The following SLC44A3 variants were observed in gnomAD, a reference collection of about 807,000 sequenced individuals.
The protein encoded by SLC44A3 is solute carrier family 44 member 3.
A neutral mutation model predicts 75.4 loss-of-function variants in SLC44A3; 74 were observed. That is an observed-to-expected ratio of 0.98 (90% confidence interval 0.81 to 1.19). The LOEUF is 1.19. Among genes scored for constraint, SLC44A3 ranks in the 50% most tolerant of loss-of-function variants. SLC44A3 has a pLI of 0.00. For synonymous variants in SLC44A3, 310 were observed against 296.9 expected (o/e 1.04, Z -0.45); for missense variants, 700 against 778.6 (o/e 0.90, Z 1.20).
At chr1:94,834,093 A>G (rs1262503138) in intron 5 of SLC44A3, among the ~76,000 whole-genome samples, 1 of 152,244 alleles carries the variant, frequency 6.6e-6, no homozygotes, top group African/African-American at 2.4e-5. Flanking sequence ...ACAATACAGT[A>G]TAATGGTTAG....
At chr1:94,820,520 G>C in intron 1 of SLC44A3, 42 bp downstream of exon 1, 1 of 1,485,348 alleles carries the variant, frequency 6.7e-7, no homozygotes, top group Non-Finnish European at 8.9e-7. Context: ...GGAGCCCCGG[G>C]GAAGGGTCGA....
intron 11 of SLC44A3, among the ~76,000 whole-genome samples, chr1:94,866,280 T>C (rs1277775735): frequency 6.6e-6 from 1 of 152,160 alleles, no homozygotes; most frequent in Non-Finnish European, 1.5e-5. Context: ...TTAAACTCTC[T>C]GGGGAAACGG....
Position 94,824,579 on chromosome 1 carries a change from GA to G in SLC44A3, c.224del (p.Lys75ArgfsTer15). ...YDSFGNMCGKKNSPVEGAPLS... is the reference protein window; with the variant it reads ...YDSFGNMCGKXNSPVEGAPLS... ...ACAGCTTTGGCAACATGTGTGGCAA[GA>G]AGAACTCCCCCGTGGAAGGGGCCCC... On this transcript the variant is annotated frameshift_variant, in exon 3 of 15. Coordinates refer to ENST00000271227, the MANE Select transcript of SLC44A3 (RefSeq NM_001114106.3). LOFTEE classifies it high-confidence loss of function. The G allele has an allele frequency of 6.2e-7, 1 of 1,612,420 alleles. No homozygotes were observed. Among genetic ancestry groups the G allele is most frequent in the Non-Finnish European group, 8.5e-7 (1 of 1,179,576 alleles).
rs756846700 is a variant in SLC44A3, at chr1:94,824,464, A to G, written c.136-29A>G. 1.9e-6 allele frequency: 3 copies of G among 1,566,132 alleles called. No homozygotes were observed. In the South Asian group the frequency reaches 3.6e-5, roughly 19 times the overall value. On this transcript the variant is annotated intron_variant, in intron 2 of 14. Transcript: ENST00000271227. The stretch of plus-strand genomic sequence containing the variant: ...GCACTGTGCGCTCAGCCCTTTGGCC[A>G]GGCTCTCATATGCCCCCGTTTTTGC...
chr1:94,836,224 G>A (rs767357585), intron 5 of SLC44A3, among the ~76,000 whole-genome samples: 13 of 152,220 alleles, frequency 8.5e-5, no homozygotes, highest in Admixed American at 4.6e-4. Context: ...TCTTTGGTTG[G>A]GATTATTTCC....
intron 4 of SLC44A3, 29 bp from the exon 5 acceptor site, chr1:94,828,464 G>T: frequency 6.3e-7 from 1 of 1,584,858 alleles, no homozygotes; most frequent in South Asian, 1.1e-5. Context: ...CTGGAAAGAA[G>T]GTATAATGTC....
chr1:94,879,910 G>A (rs548716086), intron 12 of SLC44A3, among the ~76,000 whole-genome samples: 17 of 151,942 alleles, frequency 1.1e-4, no homozygotes, highest in African/African-American at 3.1e-4. Context: ...TATACAAATG[G>A]CCAATACAAA....
intron 5 of SLC44A3, among the ~76,000 whole-genome samples, chr1:94,833,903 CAAATT>C (rs148293458): frequency 0.012 from 1,860 of 152,092 alleles, 37 homozygotes; most frequent in African/African-American, 0.043. Flanking sequence ...TAGAGGGTGA[CAAATT>C]AAATGACTAA....
chr1:94,860,992 G>A (rs1231537549), intron 10 of SLC44A3, among the ~76,000 whole-genome samples: 3 of 152,088 alleles, frequency 2.0e-5, no homozygotes, highest in South Asian at 2.1e-4. Flanking sequence ...AGGTGTGTTC[G>A]AACACGTTAA....
chr1:94,850,243 C>A (rs1242599451), intron 9 of SLC44A3, among the ~76,000 whole-genome samples: 1 of 152,088 alleles, frequency 6.6e-6, no homozygotes, highest in Non-Finnish European at 1.5e-5. Flanking sequence ...CACCACCCAA[C>A]AATGACATTT....
chr1:94,866,869 C>G (rs902054819), intron 11 of SLC44A3, among the ~76,000 whole-genome samples: 1 of 152,136 alleles, frequency 6.6e-6, no homozygotes, highest in Non-Finnish European at 1.5e-5. Flanking sequence ...GGATTTATTT[C>G]CTCCAGAGTT....
intron 12 of SLC44A3, among the ~76,000 whole-genome samples, chr1:94,882,586 G>A (rs1486447087): frequency 2.0e-5 from 3 of 152,110 alleles, no homozygotes; most frequent in Non-Finnish European, 2.9e-5. Context: ...AAGAGCTTGG[G>A]GGATGAAGGT....
intron 9 of SLC44A3, among the ~76,000 whole-genome samples, chr1:94,847,197 C>T (rs1182141171): frequency 5.3e-5 from 8 of 152,234 alleles, no homozygotes; most frequent in Non-Finnish European, 8.8e-5. Context: ...TTCTCTGTCA[C>T]ACAGATGAAG....
intron 1 of SLC44A3, 63 bp downstream of exon 1, chr1:94,820,541 T>G: frequency 6.9e-7 from 1 of 1,459,576 alleles, no homozygotes; most frequent in Non-Finnish European, 9.1e-7. Flanking sequence ...GTCCCCCGCC[T>G]TCACGCACCT....
At chr1:94,887,088 C>T (rs1156546881) in intron 12 of SLC44A3, among the ~76,000 whole-genome samples, 1 of 151,944 alleles carries the variant, frequency 6.6e-6, no homozygotes, top group East Asian at 1.9e-4. Flanking sequence ...TTTCCTAGTC[C>T]TTATTATGGC....
chr1:94,835,515 C>T (rs1398918832), intron 5 of SLC44A3, among the ~76,000 whole-genome samples: 2 of 152,178 alleles, frequency 1.3e-5, no homozygotes, highest in Admixed American at 1.3e-4. Context: ...CACAGAGGAA[C>T]CCTCCACCAT....
chr1:94,831,296 C>G lies in SLC44A3; in HGVS notation c.509+2710C>G, dbSNP rs1662092522. On this transcript the variant is annotated intron_variant, in intron 5 of 14. Transcript: ENST00000271227. ...AGAGAGAGAGAAATAGCCTCAAGGG[C>G]TCCATTCCCTTTTCCTGCACAAGCA... Among the ~76,000 whole-genome samples the G allele has an allele frequency of 3.3e-5, 5 of 152,178 alleles. No homozygotes were observed. In the South Asian group the frequency reaches 1.0e-3, roughly 31 times the overall value.
At chr1:94,840,131 A>G (rs1487437083) in intron 7 of SLC44A3, 94 bp downstream of exon 7, 17 of 1,087,914 alleles carry the variant, frequency 1.6e-5, no homozygotes, top group African/African-American at 3.1e-5. Flanking sequence ...TTTAAGCTAC[A>G]TGGAGTCTTA....
At chr1:94,840,668 T>A (rs1663505706) in intron 7 of SLC44A3, among the ~76,000 whole-genome samples, 3 of 152,224 alleles carry the variant, frequency 2.0e-5, no homozygotes. Flanking sequence ...TCCATAACGT[T>A]AAAAGAGAAT....
Sources: allele counts gnomAD v4.1 joint callset (sites outside exome capture counted in the v4.1 genomes callset), GRCh38; gene constraint gnomAD v4.1.1; transcripts MANE v1.5; gene names NCBI Gene and HGNC (gene_info 2026-07-23, HGNC 2026-07-21).